The following SQOR variants were observed in gnomAD, a reference collection of about 807,000 sequenced individuals.
The protein encoded by SQOR is sulfide quinone oxidoreductase.
Under a neutral mutation model 48.6 loss-of-function variants are expected in SQOR, and 39 were observed. The observed-to-expected ratio is 0.80, with a 90% CI of 0.62 to 1.05. SQOR has a LOEUF of 1.05. SQOR is among the 50% of genes least tolerant of loss of function. The pLI, the probability that SQOR is intolerant of heterozygous loss-of-function variation, is 0.00. For missense variants in SQOR, 561 were observed against 559.9 expected, an observed-to-expected ratio of 1.00 and a Z score of -0.02; for synonymous variants, 220 against 206.2, an observed-to-expected ratio of 1.07 and a Z score of -0.57.
upstream of SQOR, among the ~76,000 whole-genome samples, chr15:45,632,897 A>C (rs1266335631): frequency 2.0e-5 from 3 of 151,774 alleles, no homozygotes; most frequent in Admixed American, 6.6e-5. Context: ...TGAGCCCAGG[A>C]GTTCAAGACC....
At chr15:45,644,664 G>C (rs685812) in intron 1 of SQOR, among the ~76,000 whole-genome samples, 54,999 of 151,862 alleles carry the variant, frequency 0.36, 11,126 homozygotes, top group East Asian at 0.73. Context: ...CTGCGTAGGT[G>C]AAGGGGCAGA....
At chr15:45,665,815 G>A (rs972723931) in intron 3 of SQOR, among the ~76,000 whole-genome samples, 3 of 151,910 alleles carry the variant, frequency 2.0e-5, no homozygotes, top group Non-Finnish European at 4.4e-5. Context: ...AACTCCTGAC[G>A]TCAGATGATC....
chr15:45,651,134 G>A (rs1889478451), intron 1 of SQOR, among the ~76,000 whole-genome samples: 1 of 152,236 alleles, frequency 6.6e-6, no homozygotes, highest in African/African-American at 2.4e-5. Flanking sequence ...GCGGGCTGCA[G>A]GTCCCAAGCC....
chr15:45,655,817 G>A (rs574809334), intron 1 of SQOR, among the ~76,000 whole-genome samples: 189 of 151,812 alleles, frequency 1.2e-3, no homozygotes, highest in Middle Eastern at 3.4e-3. Flanking sequence ...CCCAGTAGCT[G>A]GGACTACAGG....
chr15:45,640,893 A>G (rs1895094607), intron 1 of SQOR, among the ~76,000 whole-genome samples: 1 of 152,206 alleles, frequency 6.6e-6, no homozygotes, highest in South Asian at 2.1e-4. Flanking sequence ...CAGACTAGAA[A>G]GGAAACCTGA....
upstream of SQOR, among the ~76,000 whole-genome samples, chr15:45,632,783 T>C (rs2733246): frequency 0.3 from 45,147 of 151,682 alleles, 7,711 homozygotes; most frequent in African/African-American, 0.47. Flanking sequence ...CCAACCTCCC[T>C]TGCTATGTGA....
intron 4 of SQOR, among the ~76,000 whole-genome samples, chr15:45,673,396 G>A (rs1252833311): frequency 1.3e-5 from 2 of 152,072 alleles, no homozygotes; most frequent in African/African-American, 2.4e-5. Context: ...GGGTTCCTCT[G>A]AGCTGAGCCC....
intron 1 of SQOR, among the ~76,000 whole-genome samples, chr15:45,650,428 C>T (rs919094082): frequency 1.3e-5 from 2 of 152,144 alleles, no homozygotes; most frequent in Admixed American, 1.3e-4. Context: ...CTCCCTGGCT[C>T]AGGAGTGAAG....
At position 45,658,891 on chromosome 15, in the gene SQOR, G is replaced by A. The variant is rs1420390903; in HGVS notation, c.-17-16G>A. ...TTTCTACCTTGGCACTCACAGCCCTGTCTCTTCCCTTCCAGCCTGATCCTG... is the reference window on the plus strand; with the variant it reads ...TTTCTACCTTGGCACTCACAGCCCTATCTCTTCCCTTCCAGCCTGATCCTG... On this transcript the variant is annotated splice_polypyrimidine_tract_variant and intron_variant, in intron 1 of 9. Coordinates refer to ENST00000260324, the MANE Select transcript of SQOR (RefSeq NM_021199.4). The A allele has an allele frequency of 6.7e-7, 1 of 1,482,452 alleles. No homozygotes were observed. The highest frequency in any genetic ancestry group is 1.4e-5 in the African/African-American group (1 of 71,600). 91.8% of individuals were successfully genotyped at this position (1,482,452 alleles called of 1,614,324 possible). A position where few individuals can be genotyped will look rare whatever the true frequency, so the allele number is the denominator to read the frequency against.
intron 2 of SQOR, among the ~76,000 whole-genome samples, chr15:45,660,639 T>C (rs918316092): frequency 3.3e-5 from 5 of 152,204 alleles, no homozygotes; most frequent in African/African-American, 1.2e-4. Flanking sequence ...GATTTAGTGA[T>C]AGCTGGAGCT....
At chr15:45,661,604 T>C (rs927854994) in intron 2 of SQOR, among the ~76,000 whole-genome samples, 3 of 152,306 alleles carry the variant, frequency 2.0e-5, no homozygotes, top group African/African-American at 7.2e-5. Flanking sequence ...ATTTTTAAAA[T>C]ATTTGTTCAC....
chr15:45,683,813 A>G (rs1288272855), intron 7 of SQOR, among the ~76,000 whole-genome samples: 1 of 151,650 alleles, frequency 6.6e-6, no homozygotes, highest in Non-Finnish European at 1.5e-5. Flanking sequence ...CATTTGCTTC[A>G]TCGTATTTAT....
chr15:45,651,812 A>G (rs56375332), intron 1 of SQOR, among the ~76,000 whole-genome samples: 13,764 of 151,964 alleles, frequency 0.091, 751 homozygotes, highest in Middle Eastern at 0.21. Context: ...GTAGAGATGA[A>G]GTGGCTGCAT....
At chr15:45,649,822 G>A (rs1889433297) in intron 1 of SQOR, among the ~76,000 whole-genome samples, 1 of 151,428 alleles carries the variant, frequency 6.6e-6, no homozygotes, top group South Asian at 2.1e-4. Flanking sequence ...GAAATGAGAA[G>A]GTGGGATATG....
intron 2 of SQOR, among the ~76,000 whole-genome samples, 167 bp from the exon 3 acceptor site, chr15:45,661,788 A>G (rs904769782): frequency 2.0e-5 from 3 of 152,220 alleles, no homozygotes; most frequent in Non-Finnish European, 4.4e-5. Context: ...AGAGCTTACC[A>G]TAATAGGAGA....
Position 45,691,009 on chromosome 15 carries a change from GT to G in SQOR, c.1335del (p.His446IlefsTer2). The G allele has an allele frequency of 6.2e-7, 1 of 1,614,182 alleles. No individual in the cohort carries two copies. The highest frequency in any genetic ancestry group is 8.5e-7 in the Non-Finnish European group (1 of 1,180,038). ...GAGGACCAGCGTTTCTGCGCAAGTTGTTTCATCTAGGTATGAGTTAAGGATG... is the reference window on the plus strand; with the variant it reads ...GAGGACCAGCGTTTCTGCGCAAGTTGTTCATCTAGGTATGAGTTAAGGATG... ...WGGPAFLRKL[F>X]HLGMS On this transcript the variant is annotated frameshift_variant, in exon 10 of 10. Coordinates refer to ENST00000260324, the MANE Select transcript of SQOR (RefSeq NM_021199.4). LOFTEE classifies it high-confidence loss of function.
intron 3 of SQOR, among the ~76,000 whole-genome samples, chr15:45,666,878 TCCTTTCTC>T (rs1409270586): frequency 2.1e-4 from 8 of 37,780 alleles, no homozygotes; most frequent in East Asian, 1.4e-3. Flanking sequence ...TCCCCTCCCC[TCCTTTCTC>T]CTCCTCTCCC....
intron 4 of SQOR, 121 bp downstream of exon 4, chr15:45,670,102 G>C: frequency 1.1e-6 from 1 of 923,604 alleles, no homozygotes. Flanking sequence ...ATCTCTTCTG[G>C]TTTTATTTCT....
At chr15:45,634,800 G>C (rs1035377229), upstream of SQOR, 1 of 152,240 alleles carries the variant, frequency 6.6e-6, no homozygotes, top group Non-Finnish European at 1.5e-5. Flanking sequence ...CCGCCCTTCA[G>C]GGCGCGCAAG....
Sources: gnomAD v4.1 joint callset for allele counts (sites outside exome capture counted in the v4.1 genomes callset) on GRCh38, gnomAD v4.1.1 for gene constraint, MANE v1.5 for transcripts, NCBI Gene and HGNC (gene_info 2026-07-23, HGNC 2026-07-21) for gene names.